CDC42EP3: variants seen among roughly 807,000 people sequenced by gnomAD.
CDC42EP3 encodes CDC42 effector protein 3.
Under a neutral mutation model 15.5 loss-of-function variants are expected in CDC42EP3, and 4 were observed. The observed-to-expected ratio is 0.26, with a 90% CI of 0.13 to 0.59. The LOEUF (loss-of-function observed/expected upper bound fraction) is 0.59, where lower values mean the gene tolerates loss of function less well. Among genes scored for constraint, CDC42EP3 ranks in the 20% least tolerant of loss-of-function variants. The pLI is 0.89. For missense variants in CDC42EP3, 309 were observed against 311.2 expected (o/e 0.99, Z 0.05); for synonymous variants, 145 against 130.3 (o/e 1.11, Z -0.77).
Position 37,671,265 on chromosome 2 carries a change from G to C in CDC42EP3, c.-236+161C>G, listed in dbSNP as rs148337968. ...TCCTGGCTTGCTTTATGTCCCCTTC[G>C]TTCCGTTGGACACTAGATGGGAAAG... On this transcript the variant is annotated intron_variant, in intron 1 of 1. Transcript: ENST00000295324. 6.2e-3 allele frequency among the ~76,000 whole-genome samples: 947 copies of C among 152,346 alleles called. 5 individuals carry two copies. The highest frequency in any genetic ancestry group is 0.01 in the Non-Finnish European group (709 of 68,026).
In CDC42EP3 at chr2:37,642,392, C is replaced by A. The variant is rs952815817; in HGVS notation, c.*3431G>T. 6.6e-6 allele frequency: 1 copy of A among 152,234 alleles called. No homozygotes were observed. Among genetic ancestry groups the A allele is most frequent in the African/African-American group, 2.4e-5 (1 of 41,454 alleles). The allele number at this position is 152,234 out of a possible 1,614,324, so 9.4% of individuals were successfully genotyped here. ...CTTATCATTTGGCATCTGGAAACTT[C>A]TCTTATTTTGCTGGATATGGCTGTC... On this transcript the variant is annotated 3_prime_UTR_variant, in exon 2 of 2. Transcript: ENST00000295324.
chr2:37,656,906 A>G (rs943014564), intron 1 of CDC42EP3, among the ~76,000 whole-genome samples: 1 of 149,520 alleles, frequency 6.7e-6, no homozygotes, highest in Non-Finnish European at 1.5e-5. Context: ...TATTTTTGCT[A>G]TTGTCAACAA....
At chr2:37,651,607 C>T (rs944288585) in intron 1 of CDC42EP3, among the ~76,000 whole-genome samples, 3 of 152,194 alleles carry the variant, frequency 2.0e-5, no homozygotes, top group Admixed American at 2.0e-4. Context: ...AAAGAGGCAG[C>T]ATGGATCTGT....
chr2:37,653,187 T>C (rs1249233193), intron 1 of CDC42EP3, among the ~76,000 whole-genome samples: 1 of 152,164 alleles, frequency 6.6e-6, no homozygotes, highest in African/African-American at 2.4e-5. Flanking sequence ...AGCTTGCCAG[T>C]CAGTCATGTG....
intron 1 of CDC42EP3, among the ~76,000 whole-genome samples, chr2:37,651,388 G>C (rs1222463348): frequency 2.0e-5 from 3 of 152,290 alleles, no homozygotes; most frequent in South Asian, 4.1e-4. Context: ...CTTTCCTGGA[G>C]AGCCAATTTT....
At chr2:37,658,596 G>C (rs947484668) in intron 1 of CDC42EP3, among the ~76,000 whole-genome samples, 1 of 152,040 alleles carries the variant, frequency 6.6e-6, no homozygotes, top group African/African-American at 2.4e-5. Flanking sequence ...TCTTCCCCCT[G>C]CCTGCCTTAG....
chr2:37,658,012 C>A (rs2124627145), intron 1 of CDC42EP3, among the ~76,000 whole-genome samples: 1 of 152,178 alleles, frequency 6.6e-6, no homozygotes, highest in Non-Finnish European at 1.5e-5. Context: ...CTCTCAAAGC[C>A]CAAAGTATTA....
At chr2:37,662,557 C>T (rs4670751) in intron 1 of CDC42EP3, among the ~76,000 whole-genome samples, 125,573 of 152,112 alleles carry the variant, frequency 0.83, 52,458 homozygotes, top group Non-Finnish European at 0.88. Flanking sequence ...GAAAAAAGAA[C>T]GGAATTTGAA....
chr2:37,666,207 T>G (rs72795742), intron 1 of CDC42EP3, among the ~76,000 whole-genome samples: 2 of 152,142 alleles, frequency 1.3e-5, no homozygotes, highest in African/African-American at 4.8e-5. Flanking sequence ...TCCCAGAGTG[T>G]GTTTCCTGCC....
At chr2:37,649,887 T>G (rs1420633094) in intron 1 of CDC42EP3, among the ~76,000 whole-genome samples, 3 of 152,084 alleles carry the variant, frequency 2.0e-5, no homozygotes, top group African/African-American at 7.3e-5. Flanking sequence ...TTCTGGTGAG[T>G]AGGAGATACT....
At chr2:37,650,726 T>A (rs1275880384) in intron 1 of CDC42EP3, among the ~76,000 whole-genome samples, 2 of 152,216 alleles carry the variant, frequency 1.3e-5, no homozygotes, top group African/African-American at 4.8e-5. Flanking sequence ...GCTCCCTAAT[T>A]ATGAAAGGGG....
At chr2:37,654,931 G>A (rs904048886) in intron 1 of CDC42EP3, among the ~76,000 whole-genome samples, 1 of 152,176 alleles carries the variant, frequency 6.6e-6, no homozygotes, top group African/African-American at 2.4e-5. Flanking sequence ...ACCCCATAGT[G>A]TTAGATTTTC....
At chr2:37,670,525 G>A (rs1666377738) in intron 1 of CDC42EP3, among the ~76,000 whole-genome samples, 1 of 140,334 alleles carries the variant, frequency 7.1e-6, no homozygotes, top group Admixed American at 7.3e-5. Flanking sequence ...TTACTTGACT[G>A]TCAGCCTAGG....
At chr2:37,653,164 A>C (rs1161500531) in intron 1 of CDC42EP3, among the ~76,000 whole-genome samples, 1 of 152,202 alleles carries the variant, frequency 6.6e-6, no homozygotes, top group Non-Finnish European at 1.5e-5. Context: ...AAGATTTGCC[A>C]ACAAAAGGGT....
intron 1 of CDC42EP3, among the ~76,000 whole-genome samples, chr2:37,663,034 G>A (rs1415352822): frequency 1.3e-5 from 2 of 152,150 alleles, no homozygotes; most frequent in Admixed American, 6.5e-5. Context: ...GTGTGGTGGC[G>A]GGTGCCTGTA....
intron 1 of CDC42EP3, among the ~76,000 whole-genome samples, chr2:37,658,780 C>T (rs541203612): frequency 3.3e-5 from 5 of 152,324 alleles, no homozygotes; most frequent in Non-Finnish European, 5.9e-5. Flanking sequence ...CAGCCTTACT[C>T]CTGGCCCCCA....
chr2:37,664,589 G>C (rs1425920055), intron 1 of CDC42EP3, among the ~76,000 whole-genome samples: 1 of 152,118 alleles, frequency 6.6e-6, no homozygotes, highest in African/African-American at 2.4e-5. Context: ...TTTCTGACCT[G>C]ACAACAACTG....
intron 1 of CDC42EP3, among the ~76,000 whole-genome samples, chr2:37,664,632 T>C (rs539282169): frequency 1.6e-4 from 24 of 152,298 alleles, no homozygotes; most frequent in Middle Eastern, 3.4e-3. Flanking sequence ...TCAGATAGTA[T>C]AGCAAGGGCT....
chr2:37,662,963 G>A (rs1188602408), intron 1 of CDC42EP3, among the ~76,000 whole-genome samples: 13 of 152,164 alleles, frequency 8.5e-5, no homozygotes, highest in Admixed American at 2.0e-4. Flanking sequence ...TTAGGAGTTC[G>A]TGACCAGTCT....
Sources: allele counts gnomAD v4.1 joint callset (sites outside exome capture counted in the v4.1 genomes callset), GRCh38; gene constraint gnomAD v4.1.1; transcripts MANE v1.5; gene names NCBI Gene and HGNC (gene_info 2026-07-23, HGNC 2026-07-21).